Variants in EXT2 observed in about 807,000 individuals in gnomAD.
EXT2 encodes the protein exostosin glycosyltransferase 2, also known as exostosin-2.
A neutral mutation model predicts 81.6 loss-of-function variants in EXT2; 53 were observed. That is an observed-to-expected ratio of 0.65 (90% CI 0.52 to 0.82). The LOEUF (loss-of-function observed/expected upper bound fraction) is 0.82. EXT2 is among the 40% of genes least tolerant of loss of function. The pLI is 0.00. For missense variants in EXT2, 774 were observed against 910.2 expected, an observed-to-expected ratio of 0.85 and a Z score of 1.93; for synonymous variants, 320 against 340.0, an observed-to-expected ratio of 0.94 and a Z score of 0.65.
chr11:44,133,966 C>T (rs1254632422), intron 7 of EXT2, among the ~76,000 whole-genome samples: 1 of 152,176 alleles, frequency 6.6e-6, no homozygotes, highest in Non-Finnish European at 1.5e-5. Flanking sequence ...GTGATAGTAG[C>T]AGCCAAAAAG....
Position 44,180,701 on chromosome 11 carries a change from G to T in EXT2, c.1305+8959G>T, listed in dbSNP as rs549418016. On this transcript the variant is annotated intron_variant, in intron 8 of 13. Transcript: ENST00000533608. ...TTCCCTTTGTGTCTCTGCTCTGTTG[G>T]ATTTTTTATTTCCATATTGTAACAT... is the stretch of plus-strand genomic sequence containing the variant. Among the ~76,000 whole-genome samples the T allele has an allele frequency of 1.1e-4, 17 of 152,218 alleles. 1 individual carries two copies. The South Asian group carries it at 3.5e-3, about 32-fold the overall frequency.
chr11:44,146,666 A>G (rs1954722571), intron 7 of EXT2, among the ~76,000 whole-genome samples: 1 of 152,202 alleles, frequency 6.6e-6, no homozygotes, highest in Non-Finnish European at 1.5e-5. Context: ...TGGTTCCCTA[A>G]TCACCACAGG....
Position 44,194,156 on chromosome 11 carries a change from G to C in EXT2, c.1306-3673G>C, listed in dbSNP as rs944643129. ...GTCATAAAGACATTTAAGTGTGTTG[G>C]CATTCTCCCCTCTTCTCCCAAAGAA... On this transcript the variant is annotated intron_variant, in intron 8 of 13. Transcript: ENST00000533608. 2.0e-5 allele frequency among the ~76,000 whole-genome samples: 3 copies of C among 152,304 alleles called. No individual in the cohort carries two copies. In the East Asian group the frequency reaches 5.8e-4, roughly 29 times the overall value.
intron 13 of EXT2, among the ~76,000 whole-genome samples, chr11:44,243,154 G>T (rs76995555): frequency 6.6e-6 from 1 of 152,178 alleles, no homozygotes; most frequent in Non-Finnish European, 1.5e-5. Context: ...TCCTGGGCCC[G>T]ACTGAGGCAA....
At chr11:44,242,016 G>C (rs1956043024) in intron 13 of EXT2, among the ~76,000 whole-genome samples, 1 of 152,224 alleles carries the variant, frequency 6.6e-6, no homozygotes, top group Non-Finnish European at 1.5e-5. Flanking sequence ...GCTGGCCTGA[G>C]CCCCAGTGGC....
intron 3 of EXT2, among the ~76,000 whole-genome samples, chr11:44,110,141 G>T (rs914655252): frequency 6.6e-6 from 1 of 152,266 alleles, no homozygotes; most frequent in South Asian, 2.1e-4. Context: ...AACTGAAAAG[G>T]TAACAGCCTG....
intron 8 of EXT2, among the ~76,000 whole-genome samples, chr11:44,174,412 A>T (rs913203107): frequency 5.3e-5 from 8 of 149,678 alleles, no homozygotes; most frequent in Non-Finnish European, 7.4e-5. Context: ...TTTACATTTT[A>T]TATATATATA....
chr11:44,109,369 C>G, intron 3 of EXT2, 86 bp downstream of exon 3: 1 of 1,149,632 alleles, frequency 8.7e-7, no homozygotes, highest in Non-Finnish European at 1.3e-6. Context: ...CTACCACATA[C>G]TTTGTAATCA....
At chr11:44,169,336 C>T (rs1182875304) in intron 7 of EXT2, among the ~76,000 whole-genome samples, 9 of 151,714 alleles carry the variant, frequency 5.9e-5, no homozygotes, top group Non-Finnish European at 1.2e-4. Context: ...TAGGAGAGAG[C>T]TGATAAATTA....
intron 7 of EXT2, among the ~76,000 whole-genome samples, chr11:44,135,307 T>TA (rs1341745586): frequency 1.3e-5 from 2 of 152,220 alleles, no homozygotes; most frequent in African/African-American, 4.8e-5. Context: ...GAGACACATT[T>TA]AAAGTGAAGA....
At position 44,245,876 on chromosome 11, in the gene EXT2, A is replaced by G. The variant is rs904362793; in HGVS notation, c.*1589A>G. On this transcript the variant is annotated 3_prime_UTR_variant, in exon 14 of 14. Transcript: ENST00000533608. ...TTATTGCCAAAGGGGGCAAGCGATC[A>G]TCTCATCCAGTTTGTTCATTTTGCA... is the stretch of plus-strand genomic sequence containing the variant. Among the ~76,000 whole-genome samples, 2 of 152,236 alleles carry G rather than the reference A, an allele frequency of 1.3e-5. No individual in the cohort carries two copies. The highest frequency in any genetic ancestry group is 4.8e-5 in the African/African-American group (2 of 41,472).
chr11:44,195,252 T>C (rs1955441294), intron 8 of EXT2, among the ~76,000 whole-genome samples: 1 of 151,910 alleles, frequency 6.6e-6, no homozygotes, highest in Non-Finnish European at 1.5e-5. Context: ...CTTACCAACA[T>C]GGAGAAACCC....
chr11:44,186,988 T>C (rs12293185), intron 8 of EXT2, among the ~76,000 whole-genome samples: 956 of 60,438 alleles, frequency 0.016, 11 homozygotes, highest in African/African-American at 0.067. Context: ...AAAATTTCCT[T>C]CCTTCCTTCC....
rs567811526 is a variant in EXT2, at chr11:44,172,793, C to T, written c.1305+1051C>T. On this transcript the variant is annotated intron_variant, in intron 8 of 13. Coordinates refer to ENST00000533608, the MANE Select transcript of EXT2 (RefSeq NM_207122.2). ...GAGACAGGGTTGGCCAGGCTGGTCT[C>T]GAACGCCTGACCTCAGGTGATCCAC... Among the ~76,000 whole-genome samples, 16 of 152,146 alleles carry T rather than the reference C, an allele frequency of 1.1e-4. No homozygotes were observed. The South Asian group carries it at 1.7e-3, about 16-fold the overall frequency.
intron 7 of EXT2, among the ~76,000 whole-genome samples, chr11:44,150,574 G>A (rs1168799261): frequency 1.3e-5 from 2 of 152,148 alleles, no homozygotes; most frequent in African/African-American, 4.8e-5. Flanking sequence ...ACTGGGCAGT[G>A]GCTACATTTA....
chr11:44,192,196 G>T (rs1955400767), intron 8 of EXT2, among the ~76,000 whole-genome samples: 1 of 152,038 alleles, frequency 6.6e-6, no homozygotes, highest in African/African-American at 2.4e-5. Context: ...CGCTCAGCTT[G>T]CCCCTAGGCT....
chr11:44,120,411 A>G (rs1204492119), intron 4 of EXT2, among the ~76,000 whole-genome samples: 1 of 152,236 alleles, frequency 6.6e-6, no homozygotes, highest in Non-Finnish European at 1.5e-5. Context: ...GCTTGGGCCC[A>G]TGCTGTCCAT....
At position 44,211,756 on chromosome 11, in the gene EXT2, G is replaced by C. The variant is rs115348181; in HGVS notation, c.1662+4797G>C. On this transcript the variant is annotated intron_variant, in intron 10 of 13. Coordinates refer to ENST00000533608, the MANE Select transcript of EXT2 (RefSeq NM_207122.2). Reference sequence around the variant, plus strand: ...CATATGTTATATTTCAATATTGCTAGAAGAGTGGATTTTAAATGTTTCCAC... The same window carrying C: ...CATATGTTATATTTCAATATTGCTACAAGAGTGGATTTTAAATGTTTCCAC... Among the ~76,000 whole-genome samples, 914 of 152,286 alleles carry C rather than the reference G, an allele frequency of 6.0e-3. 9 individuals are homozygous for C. Among genetic ancestry groups the C allele is most frequent in the African/African-American group, 0.021 (876 of 41,566 alleles).
chr11:44,210,053 A>G (rs1307434070), intron 10 of EXT2, among the ~76,000 whole-genome samples: 1 of 152,246 alleles, frequency 6.6e-6, no homozygotes, highest in Non-Finnish European at 1.5e-5. Context: ...ACTGTGATCC[A>G]TAATCTGGTT....
Sources: gnomAD v4.1 joint callset for allele counts (sites outside exome capture counted in the v4.1 genomes callset) on GRCh38, gnomAD v4.1.1 for gene constraint, MANE v1.5 for transcripts, NCBI Gene and HGNC (gene_info 2026-07-23, HGNC 2026-07-21) for gene names.